The following APLP2 variants were observed in gnomAD, a reference collection of about 807,000 sequenced individuals.
The protein encoded by APLP2 is CDEI box-binding protein.
A neutral mutation model predicts 89.9 loss-of-function variants in APLP2; 53 were observed. The observed-to-expected ratio is 0.59, with a 90% confidence interval of 0.47 to 0.74. The LOEUF is 0.74. Among genes scored for constraint, APLP2 ranks in the 30% least tolerant of loss-of-function variants. The probability of loss-of-function intolerance (pLI) is 0.00; values close to 1 mark genes in which losing one functional copy is unlikely to be tolerated. For missense variants in APLP2, 973 were observed against 975.9 expected (o/e 1.00, Z 0.04); for synonymous variants, 372 against 348.6 (o/e 1.07, Z -0.75).
In APLP2 at chr11:130,143,366, C is replaced by G; in HGVS notation, c.2174C>G (p.Pro725Arg). 1 of 1,614,092 alleles carries G rather than the reference C, an allele frequency of 6.2e-7. No individual in the cohort carries two copies. The highest frequency in any genetic ancestry group is 8.5e-7 in the Non-Finnish European group (1 of 1,180,014). Residue 725 changes from proline (P) to arginine (R), a missense_variant, in exon 17 of 17, where the codon CCA becomes CGA. Physicochemically the swap from Pro to Arg is moderately radical, Grantham distance 103. Coordinates refer to ENST00000338167, the MANE Select transcript of APLP2 (RefSeq NM_001142276.2). ...GIVEVDPMLT[P>R]EERHLNKMQN... ...TTCCAGGTTGATCCAATGCTCACCC[C>G]AGAAGAGCGTCACCTGAACAAGATG...
Position 130,135,557 on chromosome 11 carries a change from C to T in APLP2, c.1685-6C>T, listed in dbSNP as rs1448694377. On this transcript the variant is annotated splice_polypyrimidine_tract_variant and splice_region_variant and intron_variant, in intron 12 of 16. Coordinates refer to ENST00000338167, the MANE Select transcript of APLP2 (RefSeq NM_001142276.2). ...TGCTTTCTGTCCCCTGCCCTGTCTT[C>T]ATCAGATGAGCTCCTTCAGGAGCAG... is the stretch of plus-strand genomic sequence containing the variant. The T allele has an allele frequency of 3.7e-6, 6 of 1,613,828 alleles. No individual in the cohort carries two copies. The highest frequency in any genetic ancestry group is 4.2e-6 in the Non-Finnish European group (5 of 1,179,894).
chr11:130,141,542 C>T lies in APLP2; in HGVS notation c.1968C>T (p.Ala656=), dbSNP rs777859584. 15 of 1,613,932 alleles carry T rather than the reference C, an allele frequency of 9.3e-6. No individual in the cohort carries two copies. Among genetic ancestry groups the T allele is most frequent in the Non-Finnish European group, 8.5e-6 (10 of 1,179,998 alleles). ...ATGTTAAGGAAATGATTTTCAATGCCGAGAGAGTTGGAGGCCTCGAGGAAG... is the reference window on the plus strand; with the variant it reads ...ATGTTAAGGAAATGATTTTCAATGCTGAGAGAGTTGGAGGCCTCGAGGAAG... The part of the protein sequence containing the change: ...TLDVKEMIFN[A]ERVGGLEEER... The change falls in exon 15 of 17, where the codon GCC becomes GCT. Residue 656 remains alanine, a synonymous_variant. Transcript: ENST00000338167. This position sits in a 1 kb window ranked among gnomAD's most constrained non-coding sequence, Gnocchi z 4.2.
Position 130,110,628 on chromosome 11 carries a change from A to T in APLP2, c.370A>T (p.Lys124Ter). The T allele has an allele frequency of 1.2e-6, 2 of 1,613,898 alleles. No homozygotes were observed. Among genetic ancestry groups the T allele is most frequent in the Non-Finnish European group, 1.7e-6 (2 of 1,179,962 alleles). ...GTGCCGGAGGGACAAAAAGCAATGCAAGAGTCGCTTTGTTACACCTTTCAA... is the reference window on the plus strand; with the variant it reads ...GTGCCGGAGGGACAAAAAGCAATGCTAGAGTCGCTTTGTTACACCTTTCAA... ...NWCRRDKKQC[K>*]SRFVTPFKCL... The change falls in exon 3 of 17, where the codon AAG becomes TAG. Residue 124 changes from lysine (K) to a stop codon, truncating the protein, a stop_gained. Coordinates refer to ENST00000338167, the MANE Select transcript of APLP2 (RefSeq NM_001142276.2). LOFTEE classifies it high-confidence loss of function.
At chr11:130,080,494 C>T (rs567332564) in intron 1 of APLP2, among the ~76,000 whole-genome samples, 3 of 151,992 alleles carry the variant, frequency 2.0e-5, no homozygotes, top group Admixed American at 6.5e-5. Flanking sequence ...CATGAGCCAC[C>T]GTGCCCGGCC....
chr11:130,103,651 T>C (rs544767656), intron 1 of APLP2, among the ~76,000 whole-genome samples: 206 of 152,298 alleles, frequency 1.4e-3, no homozygotes, highest in African/African-American at 4.1e-3. Context: ...TGGAACATAA[T>C]CTTTGGTGCT....
chr11:130,127,047 C>CTA (rs1950446383), intron 8 of APLP2, among the ~76,000 whole-genome samples: 1 of 147,712 alleles, frequency 6.8e-6, no homozygotes, highest in African/African-American at 2.6e-5. Flanking sequence ...TGAGCACTTC[C>CTA]TATACCATTA....
rs1323382906 is a variant in APLP2 at position 130,133,506 on chromosome 11, CTG to C, written c.1585-121_1585-120del. ...CCCTGACCAGTTGCTTTGCTAGACT[CTG>C]TAGAGAATATGCTTTGTAAAGTGGT... is the stretch of plus-strand genomic sequence containing the variant. On this transcript the variant is annotated intron_variant, in intron 11 of 16. Coordinates refer to ENST00000338167, the MANE Select transcript of APLP2 (RefSeq NM_001142276.2). The C allele has an allele frequency of 4.8e-5, 33 of 688,604 alleles. No homozygotes were observed. The Middle Eastern group carries it at 6.5e-3, about 136-fold the overall frequency. The allele number at this position is 688,604 out of a possible 1,614,324, so 42.7% of individuals were successfully genotyped here.
intron 3 of APLP2, among the ~76,000 whole-genome samples, chr11:130,115,974 G>C (rs979603818): frequency 1.4e-4 from 22 of 152,008 alleles, no homozygotes; most frequent in African/African-American, 4.8e-4. Context: ...AACATTTTGG[G>C]GTATAGATGA....
Position 130,130,050 on chromosome 11 carries a change from C to A in APLP2, c.1468C>A (p.Leu490Ile). ...TTCTCTCTTGCAGCCTCATCGCATT[C>A]TCCAGGCCTTACGGCGTTATGTCCG... ...QSDPPRPHRI[L>I]QALRRYVRAE... is the part of the protein sequence containing the mutation. The change falls in exon 11 of 17, where the codon CTC becomes ATC. Residue 490 changes from leucine (L) to isoleucine (I), a missense_variant. Physicochemically the swap from Leu to Ile is conservative, Grantham distance 5. Coordinates refer to ENST00000338167, the MANE Select transcript of APLP2 (RefSeq NM_001142276.2). 6.2e-7 allele frequency: 1 copy of A among 1,614,228 alleles called. No individual in the cohort carries two copies. Among genetic ancestry groups the A allele is most frequent in the Non-Finnish European group, 8.5e-7 (1 of 1,180,028 alleles).
chr11:130,072,089 G>T (rs1423737649), intron 1 of APLP2, among the ~76,000 whole-genome samples: 1 of 152,158 alleles, frequency 6.6e-6, no homozygotes, highest in Non-Finnish European at 1.5e-5. Flanking sequence ...GTGTTGCTTG[G>T]TGTTGACTGA....
intron 1 of APLP2, among the ~76,000 whole-genome samples, chr11:130,077,793 AT>A (rs1264885467): frequency 6.6e-6 from 1 of 152,208 alleles, no homozygotes; most frequent in African/African-American, 2.4e-5. Flanking sequence ...AGTGTTAATT[AT>A]TTGTGCATAC....
intron 3 of APLP2, among the ~76,000 whole-genome samples, chr11:130,116,354 G>A (rs1227987250): frequency 6.6e-6 from 1 of 151,958 alleles, no homozygotes; most frequent in East Asian, 1.9e-4. Flanking sequence ...CTATTCTGTT[G>A]TATATATGTA....
intron 1 of APLP2, chr11:130,101,823 A>G: frequency 2.4e-6 from 1 of 415,966 alleles, no homozygotes; most frequent in Non-Finnish European, 4.8e-6. Flanking sequence ...TGACTTACAG[A>G]CCTTATTCAA....
intron 3 of APLP2, among the ~76,000 whole-genome samples, chr11:130,119,647 G>T (rs903047002): frequency 6.6e-6 from 1 of 152,204 alleles, no homozygotes. Context: ...TTTAGAAAAT[G>T]TAATAGTGAA....
At position 130,126,256 on chromosome 11, in the gene APLP2, T is replaced by C. The variant is rs145307445; in HGVS notation, c.1091-444T>C. Reference sequence around the variant, plus strand: ...AGATAGCCAGAAGAGCAGAGGTACCTGAGTAATAAATTTCTTTAAAAATAA... The same window carrying C: ...AGATAGCCAGAAGAGCAGAGGTACCCGAGTAATAAATTTCTTTAAAAATAA... On this transcript the variant is annotated intron_variant, in intron 7 of 16. Transcript: ENST00000338167. 3.4e-3 allele frequency among the ~76,000 whole-genome samples: 523 copies of C among 152,326 alleles called. 1 individual carries two copies. Among genetic ancestry groups the C allele is most frequent in the African/African-American group, 0.012 (500 of 41,562 alleles).
In APLP2 at chr11:130,110,589, A is replaced by T. The variant is rs1487417854; in HGVS notation, c.331A>T (p.Ser111Cys). The T allele has an allele frequency of 1.2e-6, 2 of 1,613,912 alleles. No individual in the cohort carries two copies. Among genetic ancestry groups the T allele is most frequent in the Non-Finnish European group, 1.7e-6 (2 of 1,179,986 alleles). Residue 111 changes from serine to cysteine, a missense_variant, in exon 3 of 17, where the codon AGT (serine) becomes TGT (cysteine). Ser to Cys is a moderately radical substitution (Grantham distance 112). Transcript: ENST00000338167. ...TGTGATGGAGGCAAACCAGCGGGTT[A>T]GTATTGACAACTGGTGCCGGAGGGA... ...TNVMEANQRV[S>C]IDNWCRRDKK...
intron 1 of APLP2, chr11:130,100,251 G>T (rs1428808320): frequency 2.6e-5 from 4 of 152,174 alleles, no homozygotes; most frequent in Non-Finnish European, 4.4e-5. Flanking sequence ...CCACACTCTT[G>T]GTCTTTCTCC....
chr11:130,083,628 G>A (rs966809273), intron 1 of APLP2, among the ~76,000 whole-genome samples: 1 of 152,022 alleles, frequency 6.6e-6, no homozygotes, highest in African/African-American at 2.4e-5. Flanking sequence ...TGTCCTCCAG[G>A]TTCATCCATG....
intron 16 of APLP2, among the ~76,000 whole-genome samples, chr11:130,142,327 G>A (rs1952521998): frequency 6.6e-6 from 1 of 152,182 alleles, no homozygotes; most frequent in Admixed American, 6.5e-5. Flanking sequence ...TTATGCTACA[G>A]AGGGTGAAAA....
Sources: allele counts gnomAD v4.1 joint callset (sites outside exome capture counted in the v4.1 genomes callset), GRCh38; gene constraint gnomAD v4.1.1; non-coding constraint Gnocchi (gnomAD v3.1); transcripts MANE v1.5; gene names NCBI Gene and HGNC (gene_info 2026-07-23, HGNC 2026-07-21).